Variants in GLI3 observed in about 807,000 individuals in gnomAD.
GLI3 encodes the protein GLI family zinc finger 3.
In GLI3, 20 loss-of-function variants were observed where a neutral mutation model predicts 100.8. The observed-to-expected ratio is 0.20, with a 90% CI of 0.14 to 0.29. GLI3 has a LOEUF of 0.29. Ranked by LOEUF, GLI3 falls within the 10% of genes least tolerant of loss-of-function variation. The pLI is 1.00. For synonymous variants in GLI3, 938 were observed against 860.5 expected (o/e 1.09, Z -1.58); for missense variants, 2,040 against 2,128.5 (o/e 0.96, Z 0.82).
At chr7:42,262,209 T>TTCCTTCCTTCCTTACTTACTTCCTTCC (rs1186292634) in intron 1 of GLI3, among the ~76,000 whole-genome samples, 7 of 110,900 alleles carry the variant, frequency 6.3e-5, no homozygotes, top group South Asian at 5.9e-4. Flanking sequence ...TCCTTCCTTC[T>TTCCTTCCTTCCTTACTTACTTCCTTCC]TTCCTTCCTT....
intron 2 of GLI3, among the ~76,000 whole-genome samples, chr7:42,163,795 GTC>G (rs1025772003): frequency 3.0e-4 from 46 of 152,098 alleles, no homozygotes; most frequent in African/African-American, 1.1e-3. Flanking sequence ...TGACCCCAGT[GTC>G]TCTCTTTTTG....
At chr7:41,993,278 A>G (rs1046915484) in intron 10 of GLI3, among the ~76,000 whole-genome samples, 4 of 152,216 alleles carry the variant, frequency 2.6e-5, no homozygotes, top group African/African-American at 9.6e-5. Flanking sequence ...GGCTGGCAAC[A>G]TAGAGATCCA....
At chr7:42,046,200 T>A (rs530135747) in intron 5 of GLI3, among the ~76,000 whole-genome samples, 2 of 152,288 alleles carry the variant, frequency 1.3e-5, no homozygotes, top group South Asian at 2.1e-4. Context: ...ACCTGCCAAT[T>A]TTCGTGCAAA....
intron 6 of GLI3, among the ~76,000 whole-genome samples, chr7:42,040,807 G>A (rs1260098923): frequency 6.6e-6 from 1 of 152,172 alleles, no homozygotes. Flanking sequence ...CTGAATCAGT[G>A]CTTCTCAACT....
chr7:42,032,819 A>C (rs1185776149), intron 7 of GLI3, among the ~76,000 whole-genome samples: 1 of 152,238 alleles, frequency 6.6e-6, no homozygotes, highest in Non-Finnish European at 1.5e-5. Context: ...AGGCCGTATC[A>C]TCCAGCCACC....
intron 3 of GLI3, among the ~76,000 whole-genome samples, chr7:42,095,110 GCAGCT>G (rs1206885252): frequency 6.6e-6 from 1 of 152,222 alleles, no homozygotes; most frequent in Non-Finnish European, 1.5e-5. Flanking sequence ...TGACTCCTAA[GCAGCT>G]CAGTGTTGCT....
intron 4 of GLI3, among the ~76,000 whole-genome samples, chr7:42,072,204 A>G (rs1176345762): frequency 6.6e-6 from 1 of 152,232 alleles, no homozygotes; most frequent in Non-Finnish European, 1.5e-5. Context: ...ATTGCAATGG[A>G]TTAGTAACCA....
intron 2 of GLI3, among the ~76,000 whole-genome samples, chr7:42,202,344 TCTCACACA>T (rs770444523): frequency 0.038 from 1,344 of 35,382 alleles, 5 homozygotes; most frequent in Middle Eastern, 0.15. Flanking sequence ...TCTCTCTCTC[TCTCACACA>T]CACACACACA....
At chr7:42,246,805 C>CTATTT (rs1332970657) in intron 1 of GLI3, among the ~76,000 whole-genome samples, 1 of 94,972 alleles carries the variant, frequency 1.1e-5, no homozygotes, top group African/African-American at 4.3e-5. Flanking sequence ...ATGATAGAAT[C>CTATTT]TTTTTTTTTT....
intron 10 of GLI3, among the ~76,000 whole-genome samples, chr7:41,997,993 A>G (rs1226765089): frequency 6.6e-6 from 1 of 152,214 alleles, no homozygotes; most frequent in African/African-American, 2.4e-5. Context: ...CATCTCCTAT[A>G]TGCCGGCTGC....
In GLI3 at chr7:41,966,148, G is replaced by A. The variant is rs779504013; in HGVS notation, c.2925C>T (p.Ala975=). The change falls in exon 15 of 15, where the codon GCC becomes GCT. Residue 975 remains alanine, a synonymous_variant. Coordinates refer to ENST00000395925, the MANE Select transcript of GLI3 (RefSeq NM_000168.6). This position sits in a 1 kb window ranked among gnomAD's most constrained non-coding sequence, Gnocchi z 5.8. ...EPGVALPPVH[A]PRRCSDGGAH... ...CTCCCCCGTCGCTGCACCTCCTCGG[G>A]GCATGAACTGGAGGCAGGGCCACGC... 5 of 1,596,768 alleles carry A rather than the reference G, an allele frequency of 3.1e-6. No individual in the cohort carries two copies. The highest frequency in any genetic ancestry group is 2.2e-5 in the South Asian group (2 of 89,668).
At chr7:42,252,527 C>G (rs940944979) in intron 1 of GLI3, among the ~76,000 whole-genome samples, 3 of 152,168 alleles carry the variant, frequency 2.0e-5, no homozygotes, top group African/African-American at 7.2e-5. Context: ...ATATAGTGCA[C>G]AGAGGGACTC....
At chr7:42,183,024 C>T (rs1467145052) in intron 2 of GLI3, among the ~76,000 whole-genome samples, 1 of 151,936 alleles carries the variant, frequency 6.6e-6, no homozygotes, top group African/African-American at 2.4e-5. Context: ...AGTTCAAGAC[C>T]AGTCTGGTCA....
intron 3 of GLI3, among the ~76,000 whole-genome samples, chr7:42,080,033 T>A (rs934391757): frequency 6.6e-5 from 10 of 152,212 alleles, no homozygotes; most frequent in African/African-American, 2.4e-4. Flanking sequence ...TATAAAATTA[T>A]CTTCCTCAAG....
At position 42,025,267 on chromosome 7, in the gene GLI3, C is replaced by G. The variant is rs1217142786; in HGVS notation, c.1353G>C (p.Gln451His). Residue 451 changes from glutamine (Q) to histidine (H), a missense_variant, in exon 9 of 15, where the codon CAG (glutamine) becomes CAC (histidine). Physicochemically the swap from Gln to His is conservative, Grantham distance 24. This residue lies in a region of GLI3 where 603 missense variants were observed against 690.9 expected (regional missense o/e 0.87). Transcript: ENST00000395925. Reference protein sequence around the residue: ...EDLPSPGARGQQEQPEGTTLV... With the variant: ...EDLPSPGARGHQEQPEGTTLV... ...CTGTGCGGCCTCGGTGTCCTACCTG[C>G]TGCCCCCGAGCCCCTGGGCTGGGGA... The G allele has an allele frequency of 1.9e-6, 3 of 1,607,562 alleles. No individual in the cohort carries two copies. Among genetic ancestry groups the G allele is most frequent in the South Asian group, 2.2e-5 (2 of 90,956 alleles).
At chr7:42,112,833 G>A (rs1785747209) in intron 3 of GLI3, among the ~76,000 whole-genome samples, 1 of 152,186 alleles carries the variant, frequency 6.6e-6, no homozygotes, top group South Asian at 2.1e-4. Context: ...ATGAGATCAT[G>A]CATCCCAGCC....
chr7:42,174,520 C>T (rs569118414), intron 2 of GLI3, among the ~76,000 whole-genome samples: 10 of 152,248 alleles, frequency 6.6e-5, no homozygotes, highest in Admixed American at 3.3e-4. Flanking sequence ...TTAAAAGCTC[C>T]GTGTTGTTAA....
At chr7:42,148,895 G>A (rs1353317359) in intron 2 of GLI3, among the ~76,000 whole-genome samples, 1 of 152,176 alleles carries the variant, frequency 6.6e-6, no homozygotes, top group East Asian at 1.9e-4. Context: ...GGCCTCCGGG[G>A]TGACACAAAG....
chr7:42,017,726 A>C (rs896584016), intron 10 of GLI3, among the ~76,000 whole-genome samples: 1 of 152,368 alleles, frequency 6.6e-6, no homozygotes, highest in East Asian at 1.9e-4. Context: ...TCTTGGCTTC[A>C]GTCTAGCGTA....
Sources: gnomAD v4.1 joint callset for allele counts (sites outside exome capture counted in the v4.1 genomes callset) on GRCh38, gnomAD v4.1.1 for gene constraint, gnomAD v4.1.1 regional missense constraint, Gnocchi (gnomAD v3.1) non-coding constraint, MANE v1.5 for transcripts, NCBI Gene and HGNC (gene_info 2026-07-23, HGNC 2026-07-21) for gene names.